The following EPHA4 variants were observed in gnomAD, a reference collection of about 807,000 sequenced individuals.
EPHA4 encodes EPH receptor A4.
EPHA4 carries 19 observed loss-of-function variants against 108.3 expected under a neutral mutation model. That is an observed-to-expected ratio of 0.18 (90% confidence interval 0.12 to 0.26). The LOEUF is 0.26. Ranked by LOEUF, EPHA4 falls within the 10% of genes least tolerant of loss-of-function variation. EPHA4 has a pLI of 1.00. For synonymous variants in EPHA4, 449 were observed against 455.5 expected (o/e 0.99, Z 0.18); for missense variants, 917 against 1,254.0 (o/e 0.73, Z 4.06).
chr2:221,491,796 G>C (rs567598154), intron 4 of EPHA4, among the ~76,000 whole-genome samples: 9 of 152,004 alleles, frequency 5.9e-5, no homozygotes, highest in Non-Finnish European at 1.3e-4. Flanking sequence ...ATAGGAATAG[G>C]GCGAGGGGCA....
At position 221,564,042 on chromosome 2, in the gene EPHA4, C is replaced by T. The variant is rs1398999744; in HGVS notation, c.512G>A (p.Arg171Gln). The change falls in exon 3 of 18, where the codon CGG becomes CAG. Residue 171 changes from arginine to glutamine, a missense_variant. Transcript: ENST00000281821. Reference sequence around the variant, plus strand: ...CTTTTTGCTTAATGGCCCTACATCCCGGATCTCGGTGTTCAGCTTCATGAT... The same window carrying T: ...CTTTTTGCTTAATGGCCCTACATCCTGGATCTCGGTGTTCAGCTTCATGAT... ...DRIMKLNTEI[R>Q]DVGPLSKKGF... 3 of 1,614,028 alleles carry T rather than the reference C, an allele frequency of 1.9e-6. No homozygotes were observed. Among genetic ancestry groups the T allele is most frequent in the Non-Finnish European group, 2.5e-6 (3 of 1,180,012 alleles).
intron 3 of EPHA4, among the ~76,000 whole-genome samples, chr2:221,516,394 C>T (rs921145472): frequency 7.0e-6 from 1 of 142,202 alleles, no homozygotes; most frequent in Non-Finnish European, 1.5e-5. Flanking sequence ...TTGCTCTGTC[C>T]TGTAGGCTGG....
In EPHA4 at chr2:221,443,160, C is replaced by G. The variant is rs1027234240; in HGVS notation, c.1889-146G>C. On this transcript the variant is annotated intron_variant, in intron 10 of 17. Coordinates refer to ENST00000281821, the MANE Select transcript of EPHA4 (RefSeq NM_004438.5). ...TATTTCACAAAATCCTCCATGCAAC[C>G]CTGAAGTAGATGCTACTATTAGCCC... 9 of 818,562 alleles carry G rather than the reference C, an allele frequency of 1.1e-5. 1 individual carries two copies. The African/African-American group carries it at 1.4e-4, about 12-fold the overall frequency. The allele number at this position is 818,562 out of a possible 1,614,324, so 50.7% of individuals were successfully genotyped here.
intron 10 of EPHA4, 48 bp from the exon 11 acceptor site, chr2:221,443,062 A>G (rs1277574169): frequency 2.2e-6 from 2 of 927,776 alleles, no homozygotes; most frequent in Non-Finnish European, 3.1e-6. Context: ...CACATTCAAG[A>G]TGAAAGAATA....
Position 221,444,977 on chromosome 2 carries a change from C to T in EPHA4, c.1774+1146G>A, listed in dbSNP as rs551622748. 8.6e-5 allele frequency among the ~76,000 whole-genome samples: 13 copies of T among 151,988 alleles called. No individual in the cohort carries two copies. The South Asian group carries it at 2.1e-3, about 24-fold the overall frequency. On this transcript the variant is annotated intron_variant, in intron 9 of 17. Coordinates refer to ENST00000281821, the MANE Select transcript of EPHA4 (RefSeq NM_004438.5). Reference sequence around the variant, plus strand: ...TTTGCCATGTTGGCTAGGCTGGTCTCGAACTCCAGATCTCAAGTGATCTGC... The same window carrying T: ...TTTGCCATGTTGGCTAGGCTGGTCTTGAACTCCAGATCTCAAGTGATCTGC...
intron 11 of EPHA4, among the ~76,000 whole-genome samples, chr2:221,437,862 G>A (rs77301698): frequency 0.014 from 2,137 of 151,910 alleles, 45 homozygotes; most frequent in African/African-American, 0.048. Flanking sequence ...GGCCAAGGTT[G>A]TAGTGAGCCG....
At chr2:221,430,948 C>T (rs1436658329) in intron 14 of EPHA4, among the ~76,000 whole-genome samples, 1 of 152,170 alleles carries the variant, frequency 6.6e-6, no homozygotes, top group Non-Finnish European at 1.5e-5. Context: ...GTCTCCTTGC[C>T]TAGTAAGTCA....
intron 4 of EPHA4, among the ~76,000 whole-genome samples, chr2:221,495,020 A>C (rs916354313): frequency 6.6e-6 from 1 of 152,156 alleles, no homozygotes; most frequent in Non-Finnish European, 1.5e-5. Context: ...AAAAAAAAAA[A>C]AAAACTTCTT....
chr2:221,490,614 T>C (rs1264279041), intron 4 of EPHA4, among the ~76,000 whole-genome samples: 3 of 152,220 alleles, frequency 2.0e-5, no homozygotes, highest in Non-Finnish European at 2.9e-5. Flanking sequence ...TTCCTAAGGC[T>C]TCATTAATCA....
At chr2:221,563,688 G>T in intron 3 of EPHA4, 43 bp downstream of exon 3, 1 of 1,586,554 alleles carries the variant, frequency 6.3e-7, no homozygotes, top group Non-Finnish European at 8.6e-7. Context: ...TTAATTACTC[G>T]CACTAAGCCC....
intron 8 of EPHA4, among the ~76,000 whole-genome samples, chr2:221,446,555 G>T (rs915481307): frequency 6.6e-6 from 1 of 151,840 alleles, no homozygotes; most frequent in Non-Finnish European, 1.5e-5. Flanking sequence ...ATGTACATGT[G>T]TGTATATGTA....
chr2:221,430,963 T>G (rs1690059171), intron 14 of EPHA4, among the ~76,000 whole-genome samples: 1 of 152,216 alleles, frequency 6.6e-6, no homozygotes, highest in African/African-American at 2.4e-5. Context: ...AAGTCATAAA[T>G]AACTCATTCA....
intron 3 of EPHA4, among the ~76,000 whole-genome samples, chr2:221,506,928 G>T (rs1692648451): frequency 6.6e-6 from 1 of 152,142 alleles, no homozygotes; most frequent in African/African-American, 2.4e-5. Context: ...TATTAGTGAG[G>T]GGAATGGAAT....
intron 8 of EPHA4, among the ~76,000 whole-genome samples, chr2:221,453,523 T>C (rs1690848174): frequency 6.6e-6 from 1 of 152,116 alleles, no homozygotes; most frequent in African/African-American, 2.4e-5. Flanking sequence ...CAAAATCAAA[T>C]ACCAGGGAAG....
Position 221,476,119 on chromosome 2 carries a change from C to T in EPHA4, c.1318+6233G>A, listed in dbSNP as rs951062748. ...CCTGTAATCCCAGCTACTCAGGAAG[C>T]TGAGGCATGAGAATCGCTGGAACCT... On this transcript the variant is annotated intron_variant, in intron 5 of 17. Coordinates refer to ENST00000281821, the MANE Select transcript of EPHA4 (RefSeq NM_004438.5). 2.6e-5 allele frequency among the ~76,000 whole-genome samples: 4 copies of T among 152,174 alleles called. No homozygotes were observed. The South Asian group carries it at 6.2e-4, about 24-fold the overall frequency.
intron 9 of EPHA4, among the ~76,000 whole-genome samples, chr2:221,445,525 GC>G (rs1690565256): frequency 6.7e-6 from 1 of 149,654 alleles, no homozygotes; most frequent in African/African-American, 2.5e-5. Flanking sequence ...GGGAGGCGGA[GC>G]TTGCAGTGAG....
intron 14 of EPHA4, among the ~76,000 whole-genome samples, chr2:221,432,062 C>T (rs1171268241): frequency 6.6e-6 from 1 of 151,402 alleles, no homozygotes; most frequent in African/African-American, 2.4e-5. Flanking sequence ...CTTCAGATGC[C>T]TTTTCGTGGA....
At chr2:221,553,167 G>A (rs943570557) in intron 3 of EPHA4, among the ~76,000 whole-genome samples, 1 of 152,090 alleles carries the variant, frequency 6.6e-6, no homozygotes, top group Admixed American at 6.6e-5. Flanking sequence ...ACATAATTAA[G>A]GGCCTAAAGA....
intron 4 of EPHA4, among the ~76,000 whole-genome samples, chr2:221,488,672 A>T (rs902302693): frequency 6.6e-6 from 1 of 152,204 alleles, no homozygotes; most frequent in African/African-American, 2.4e-5. Context: ...AACTATAGCC[A>T]CATGATAGTA....
Sources: gnomAD v4.1 joint callset for allele counts (sites outside exome capture counted in the v4.1 genomes callset) on GRCh38, gnomAD v4.1.1 for gene constraint, MANE v1.5 for transcripts, NCBI Gene and HGNC (gene_info 2026-07-23, HGNC 2026-07-21) for gene names.